The following RAB3B variants were observed in gnomAD, a reference collection of about 807,000 sequenced individuals.
RAB3B encodes ras-related protein Rab-3B.
A neutral mutation model predicts 20.5 loss-of-function variants in RAB3B; 11 were observed. That is an observed-to-expected ratio of 0.54 (90% CI 0.34 to 0.89). The LOEUF (loss-of-function observed/expected upper bound fraction) is 0.89, where lower values mean the gene tolerates loss of function less well. Among genes scored for constraint, RAB3B ranks in the 40% least tolerant of loss-of-function variants. RAB3B has a pLI of 0.02. For synonymous variants in RAB3B, 99 were observed against 106.3 expected, an observed-to-expected ratio of 0.93 and a Z score of 0.42; for missense variants, 225 against 280.9, an observed-to-expected ratio of 0.80 and a Z score of 1.42.
Position 51,943,385 on chromosome 1 carries a change from A to AAAT in RAB3B, c.229-5976_229-5974dup, listed in dbSNP as rs369120283. ...GGTGACAGAGCAAGACTCCATCTCA[A>AAAT]AATAATAATAACAACAACAACAACA... is the stretch of plus-strand genomic sequence containing the variant. On this transcript the variant is annotated intron_variant, in intron 2 of 4. Transcript: ENST00000371655. Among the ~76,000 whole-genome samples, 183 of 123,082 alleles carry AAAT rather than the reference A, an allele frequency of 1.5e-3. 2 individuals are homozygous for AAAT. The highest frequency in any genetic ancestry group is 4.7e-3 in the African/African-American group (163 of 34,776). 80.7% of individuals were successfully genotyped at this position (123,082 alleles called of 152,430 possible).
chr1:51,948,183 G>A (rs988627822), intron 2 of RAB3B, among the ~76,000 whole-genome samples: 3 of 152,086 alleles, frequency 2.0e-5, no homozygotes, highest in Non-Finnish European at 2.9e-5. Flanking sequence ...CTATAAAAAC[G>A]GCAACTTAGG....
intron 2 of RAB3B, among the ~76,000 whole-genome samples, chr1:51,941,420 A>C (rs1382824918): frequency 6.6e-6 from 1 of 152,200 alleles, no homozygotes; most frequent in Admixed American, 6.5e-5. Flanking sequence ...AAGAGATAGG[A>C]GGCAGGAAGG....
chr1:51,978,558 AC>A (rs1685040125), intron 1 of RAB3B, among the ~76,000 whole-genome samples: 1 of 152,132 alleles, frequency 6.6e-6, no homozygotes, highest in Non-Finnish European at 1.5e-5. Flanking sequence ...TTCCTAGAAC[AC>A]CCGAATCTGA....
In RAB3B at chr1:51,910,237, C is replaced by G. The variant is rs1204903571; in HGVS notation, c.*9690G>C. 1 of 152,166 alleles carries G rather than the reference C, an allele frequency of 6.6e-6. No individual in the cohort carries two copies. Among genetic ancestry groups the G allele is most frequent in the African/African-American group, 2.4e-5 (1 of 41,448 alleles). 9.4% of individuals were successfully genotyped at this position (152,166 alleles called of 1,614,324 possible). On this transcript the variant is annotated 3_prime_UTR_variant, in exon 5 of 5. Coordinates refer to ENST00000371655, the MANE Select transcript of RAB3B (RefSeq NM_002867.4). Reference sequence around the variant, plus strand: ...GGAAGATAGTTTACTACATGAAATCCTTTAGTTTCCAGGCTTTTAGCTGCA... The same window carrying G: ...GGAAGATAGTTTACTACATGAAATCGTTTAGTTTCCAGGCTTTTAGCTGCA...
chr1:51,919,924 T>C lies in RAB3B; in HGVS notation c.*3A>G, dbSNP rs780798831. On this transcript the variant is annotated 3_prime_UTR_variant, in exon 5 of 5. Coordinates refer to ENST00000371655, the MANE Select transcript of RAB3B (RefSeq NM_002867.4). The stretch of plus-strand genomic sequence containing the variant: ...GAGGGGAGGTCAGGAAGGTGGGCCT[T>C]GCCTAGCATGAGCAGTTCTGCTGCA... 1.2e-6 allele frequency: 2 copies of C among 1,609,794 alleles called. No homozygotes were observed. The highest frequency in any genetic ancestry group is 2.2e-5 in the East Asian group (1 of 44,774).
chr1:51,959,641 CACG>C (rs141362023), intron 2 of RAB3B, among the ~76,000 whole-genome samples: 3,267 of 152,184 alleles, frequency 0.021, 71 homozygotes, highest in Middle Eastern at 0.095. Flanking sequence ...CCTAAGGAGA[CACG>C]ACAATTCAGA....
At position 51,977,044 on chromosome 1, in the gene RAB3B, A is replaced by G; in HGVS notation, c.74T>C (p.Leu25Pro). 1 of 1,614,220 alleles carries G rather than the reference A, an allele frequency of 6.2e-7. No individual in the cohort carries two copies. The highest frequency in any genetic ancestry group is 1.3e-5 in the African/African-American group (1 of 75,052). The change falls in exon 2 of 5, where the codon CTG becomes CCG. Residue 25 changes from leucine to proline, a missense_variant. Physicochemically the swap from Leu to Pro is moderately conservative, Grantham distance 98. Coordinates refer to ENST00000371655, the MANE Select transcript of RAB3B (RefSeq NM_002867.4). ...AACACTGCTGTTGCCAATGATAAGC[A>G]GTTTAAACATGTAGTCAAAATTCTG... ...SDQNFDYMFK[L>P]LIIGNSSVGK...
intron 2 of RAB3B, among the ~76,000 whole-genome samples, chr1:51,964,142 G>A (rs1684817051): frequency 6.6e-6 from 1 of 152,062 alleles, no homozygotes; most frequent in Admixed American, 6.5e-5. Context: ...ATTTTTACCA[G>A]GCTTTCACCC....
chr1:51,953,463 A>G (rs1436459010), intron 2 of RAB3B, among the ~76,000 whole-genome samples: 1 of 152,240 alleles, frequency 6.6e-6, no homozygotes, highest in Admixed American at 6.5e-5. Flanking sequence ...TGTGCTGAGA[A>G]ATTGCAGGTG....
intron 1 of RAB3B, among the ~76,000 whole-genome samples, chr1:51,982,663 G>T (rs1006439688): frequency 6.6e-5 from 10 of 152,162 alleles, no homozygotes; most frequent in Non-Finnish European, 1.0e-4. Flanking sequence ...TGAGGCACAA[G>T]AATTGCTTGA....
chr1:51,929,262 A>G (rs906342926), intron 4 of RAB3B, among the ~76,000 whole-genome samples: 3 of 152,178 alleles, frequency 2.0e-5, no homozygotes, highest in African/African-American at 7.2e-5. Context: ...AAAGCTGAGA[A>G]ATGGAGAGTG....
intron 4 of RAB3B, among the ~76,000 whole-genome samples, chr1:51,923,249 C>A (rs1180935958): frequency 1.3e-5 from 2 of 152,164 alleles, no homozygotes; most frequent in African/African-American, 4.8e-5. Context: ...AGGGGTCTAT[C>A]CCTTATGCCT....
rs1267344357 is a variant in RAB3B, at chr1:51,916,924, T to G, written c.*3003A>C. Reference sequence around the variant, plus strand: ...CCTGGAATTGAATCCTAATGTGGCTTTAACACTCTCTTGGTATGTGATCCA... The same window carrying G: ...CCTGGAATTGAATCCTAATGTGGCTGTAACACTCTCTTGGTATGTGATCCA... On this transcript the variant is annotated 3_prime_UTR_variant, in exon 5 of 5. Transcript: ENST00000371655. 1 of 152,218 alleles carries G rather than the reference T, an allele frequency of 6.6e-6. No individual in the cohort carries two copies. Among genetic ancestry groups the G allele is most frequent in the East Asian group, 1.9e-4 (1 of 5,202 alleles). 9.4% of individuals were successfully genotyped at this position (152,218 alleles called of 1,614,324 possible).
rs182820766 is a variant in RAB3B at position 51,957,640 on chromosome 1, T to A, written c.228+19250A>T. Reference sequence around the variant, plus strand: ...TGTTGTGACAGTGTGTTGGTAAAGTTCTGTATAAACAGTCGTGTTCATTTA... The same window carrying A: ...TGTTGTGACAGTGTGTTGGTAAAGTACTGTATAAACAGTCGTGTTCATTTA... On this transcript the variant is annotated intron_variant, in intron 2 of 4. Transcript: ENST00000371655. 2.0e-4 allele frequency among the ~76,000 whole-genome samples: 31 copies of A among 152,328 alleles called. No individual in the cohort carries two copies. The East Asian group carries it at 5.4e-3, about 27-fold the overall frequency.
chr1:51,953,476 A>G lies in RAB3B; in HGVS notation c.229-16064T>C, dbSNP rs145992935. ...CTTGTGCTGAGAAATTGCAGGTGAT[A>G]AAAGTAAGACTCTTGTCAAAAGACA... On this transcript the variant is annotated intron_variant, in intron 2 of 4. Transcript: ENST00000371655. 6.6e-5 allele frequency among the ~76,000 whole-genome samples: 10 copies of G among 152,374 alleles called. No individual in the cohort carries two copies. The East Asian group carries it at 1.7e-3, about 26-fold the overall frequency.
chr1:51,931,030 C>A (rs549214546), intron 4 of RAB3B, among the ~76,000 whole-genome samples: 1 of 151,936 alleles, frequency 6.6e-6, no homozygotes, highest in South Asian at 2.1e-4. Flanking sequence ...AAAAAAAAAT[C>A]TTAGTGAGAA....
At chr1:51,965,485 A>G (rs1684838251) in intron 2 of RAB3B, among the ~76,000 whole-genome samples, 1 of 152,050 alleles carries the variant, frequency 6.6e-6, no homozygotes. Context: ...CGTCTCTACT[A>G]AAAGTACAAA....
rs2124312060 is a variant in RAB3B, at chr1:51,976,987, T to G, written c.131A>C (p.Asp44Ala). ...GKTSFLFRYA[D>A]DTFTPAFVST... Reference sequence around the variant, plus strand: ...AACGAAGGCTGGGGTGAACGTGTCATCAGCATAGCGGAAGAGGAAGGAGGT... The same window carrying G: ...AACGAAGGCTGGGGTGAACGTGTCAGCAGCATAGCGGAAGAGGAAGGAGGT... The change falls in exon 2 of 5, where the codon GAT becomes GCT. Residue 44 changes from aspartate (D) to alanine (A), a missense_variant. By Grantham distance (126) the Asp-to-Ala change is moderately radical (BLOSUM62 -2). Coordinates refer to ENST00000371655, the MANE Select transcript of RAB3B (RefSeq NM_002867.4). 1.2e-6 allele frequency: 2 copies of G among 1,614,182 alleles called. No individual in the cohort carries two copies. The highest frequency in any genetic ancestry group is 4.5e-5 in the East Asian group (2 of 44,882).
At chr1:51,982,613 C>T (rs561519111) in intron 1 of RAB3B, among the ~76,000 whole-genome samples, 33 of 151,806 alleles carry the variant, frequency 2.2e-4, no homozygotes, top group Admixed American at 5.9e-4. Context: ...ATTAGCCAGG[C>T]GTGGTGGTGC....
Sources: gnomAD v4.1 joint callset for allele counts (sites outside exome capture counted in the v4.1 genomes callset) on GRCh38, gnomAD v4.1.1 for gene constraint, MANE v1.5 for transcripts, NCBI Gene and HGNC (gene_info 2026-07-23, HGNC 2026-07-21) for gene names.